Variants in LGALSL observed in about 807,000 individuals in gnomAD.
The protein encoded by LGALSL is galectin-related protein.
In LGALSL, 13 loss-of-function variants were observed where a neutral mutation model predicts 19.5. That is an observed-to-expected ratio of 0.67 (90% confidence interval 0.43 to 1.06). LGALSL has a LOEUF of 1.06. LGALSL is among the 50% of genes least tolerant of loss of function. LGALSL has a pLI of 0.00. For synonymous variants in LGALSL, 86 were observed against 78.3 expected, an observed-to-expected ratio of 1.10 and a Z score of -0.52; for missense variants, 189 against 219.3, an observed-to-expected ratio of 0.86 and a Z score of 0.87.
rs140067534 is a variant in LGALSL at position 64,458,157 on chromosome 2, A to T, written c.376-128A>T. On this transcript the variant is annotated intron_variant, in intron 4 of 4. Transcript: ENST00000238875. ...ATCTGTGTTCTAACAAGCCCTCTGC[A>T]GGTCTCAATGCATTCTGATGTTTGT... 6.1e-6 allele frequency: 5 copies of T among 813,834 alleles called. No individual in the cohort carries two copies. The East Asian group carries it at 1.2e-4, about 20-fold the overall frequency. 50.4% of individuals were successfully genotyped at this position (813,834 alleles called of 1,614,324 possible).
In LGALSL at chr2:64,459,363, G is replaced by T. The variant is rs891950360; in HGVS notation, c.*935G>T. On this transcript the variant is annotated 3_prime_UTR_variant, in exon 5 of 5. Transcript: ENST00000238875. ...TAATCAAAAACACAAAGAGGTGATT[G>T]CTTAGACAATTTTTAAAGTGACTAT... 3.3e-5 allele frequency: 5 copies of T among 152,146 alleles called. No individual in the cohort carries two copies. The highest frequency in any genetic ancestry group is 1.2e-4 in the African/African-American group (5 of 41,422). The allele number at this position is 152,146 out of a possible 1,614,324, so 9.4% of individuals were successfully genotyped here. A position where few individuals can be genotyped will look rare whatever the true frequency, so the allele number is the denominator to read the frequency against.
chr2:64,455,808 C>A, intron 3 of LGALSL, 131 bp downstream of exon 3: 2 of 696,482 alleles, frequency 2.9e-6, no homozygotes, highest in South Asian at 1.6e-5. Context: ...AAGAAAGTAC[C>A]ATGTTCCCAT....
chr2:64,454,609 G>T lies in LGALSL; in HGVS notation c.36+28G>T, dbSNP rs774878986. 7.3e-7 allele frequency: 1 copy of T among 1,371,760 alleles called. No individual in the cohort carries two copies. Among genetic ancestry groups the T allele is most frequent in the Non-Finnish European group, 9.5e-7 (1 of 1,055,454 alleles). 85.0% of individuals were successfully genotyped at this position (1,371,760 alleles called of 1,614,324 possible). A position where few individuals can be genotyped will look rare whatever the true frequency, so the allele number is the denominator to read the frequency against. ...GAGTGTGGCAGGGCGCGCGCGAGGC[G>T]CCCCTCCCCGCCGTCCCGCACTCCG... On this transcript the variant is annotated intron_variant, in intron 1 of 4. Transcript: ENST00000238875. The surrounding 1 kb of genome is among the most constrained non-coding windows in gnomAD (Gnocchi z 5.1).
At chr2:64,455,006 A>G (rs1166816284) in intron 1 of LGALSL, among the ~76,000 whole-genome samples, 2 of 151,962 alleles carry the variant, frequency 1.3e-5, no homozygotes, top group African/African-American at 2.4e-5. Flanking sequence ...TCACGTCCCG[A>G]AGGACAGGCC....
chr2:64,454,871 G>A lies in LGALSL; in HGVS notation c.36+290G>A, dbSNP rs1045385317. Among the ~76,000 whole-genome samples, 1 of 151,214 alleles carries A rather than the reference G, an allele frequency of 6.6e-6. No individual in the cohort carries two copies. Among genetic ancestry groups the A allele is most frequent in the African/African-American group, 2.4e-5 (1 of 41,124 alleles). ...CCGTGCAACCGCCAGCCAGGTGTGCGCGTGGGTGAGTGTGTCCGGGGCGCG... is the reference window on the plus strand; with the variant it reads ...CCGTGCAACCGCCAGCCAGGTGTGCACGTGGGTGAGTGTGTCCGGGGCGCG... On this transcript the variant is annotated intron_variant, in intron 1 of 4. Transcript: ENST00000238875. This position sits in a 1 kb window ranked among gnomAD's most constrained non-coding sequence, Gnocchi z 5.1.
At chr2:64,457,077 T>C (rs577728492) in intron 4 of LGALSL, among the ~76,000 whole-genome samples, 2 of 152,262 alleles carry the variant, frequency 1.3e-5, no homozygotes, top group South Asian at 4.1e-4. Flanking sequence ...ATCCAAACTT[T>C]TCATCCAATC....
chr2:64,459,397 CTT>C lies in LGALSL; in HGVS notation c.*972_*973del, dbSNP rs1156873212. On this transcript the variant is annotated 3_prime_UTR_variant, in exon 5 of 5. Transcript: ENST00000238875. ...ATTTTTAAAGTGACTATAGTATAAACTTTTAAAAGAATAATATGAAAATGACT... is the reference window on the plus strand; with the variant it reads ...ATTTTTAAAGTGACTATAGTATAAACTTAAAAGAATAATATGAAAATGACT... The C allele has an allele frequency of 3.3e-5, 5 of 152,050 alleles. No homozygotes were observed. The highest frequency in any genetic ancestry group is 4.8e-5 in the African/African-American group (2 of 41,384). The allele number at this position is 152,050 out of a possible 1,614,324, so 9.4% of individuals were successfully genotyped here. A position where few individuals can be genotyped will look rare whatever the true frequency, so the allele number is the denominator to read the frequency against.
chr2:64,460,955 G>A lies in LGALSL; in HGVS notation c.*2527G>A, dbSNP rs186885919. The A allele has an allele frequency of 6.6e-6, 1 of 152,328 alleles. No homozygotes were observed. Among genetic ancestry groups the A allele is most frequent in the East Asian group, 1.9e-4 (1 of 5,186 alleles). 9.4% of individuals were successfully genotyped at this position (152,328 alleles called of 1,614,324 possible). On this transcript the variant is annotated 3_prime_UTR_variant, in exon 5 of 5. Transcript: ENST00000238875. ...TTTAGACAATCTGTCCATTTCTACAGTAAAATTGGAGTGAGTGTGTATATC... is the reference window on the plus strand; with the variant it reads ...TTTAGACAATCTGTCCATTTCTACAATAAAATTGGAGTGAGTGTGTATATC...
Position 64,454,630 on chromosome 2 carries a change from C to T in LGALSL, c.36+49C>T, listed in dbSNP as rs1329351590. 1 of 1,276,130 alleles carries T rather than the reference C, an allele frequency of 7.8e-7. No individual in the cohort carries two copies. Among genetic ancestry groups the T allele is most frequent in the Non-Finnish European group, 1.0e-6 (1 of 995,910 alleles). The allele number at this position is 1,276,130 out of a possible 1,614,324, so 79.1% of individuals were successfully genotyped here. A position where few individuals can be genotyped will look rare whatever the true frequency, so the allele number is the denominator to read the frequency against. Reference sequence around the variant, plus strand: ...AGGCGCCCCTCCCCGCCGTCCCGCACTCCGCCGCCGCCTGCTCCAGCAGTG... The same window carrying T: ...AGGCGCCCCTCCCCGCCGTCCCGCATTCCGCCGCCGCCTGCTCCAGCAGTG... On this transcript the variant is annotated intron_variant, in intron 1 of 4. Transcript: ENST00000238875. This position sits in a 1 kb window ranked among gnomAD's most constrained non-coding sequence, Gnocchi z 5.1.
In LGALSL at chr2:64,454,613, C is replaced by A; in HGVS notation, c.36+32C>A. The A allele has an allele frequency of 7.3e-7, 1 of 1,373,748 alleles. No individual in the cohort carries two copies. Among genetic ancestry groups the A allele is most frequent in the Non-Finnish European group, 9.5e-7 (1 of 1,055,790 alleles). The allele number at this position is 1,373,748 out of a possible 1,614,324, so 85.1% of individuals were successfully genotyped here. ...GTGGCAGGGCGCGCGCGAGGCGCCC[C>A]TCCCCGCCGTCCCGCACTCCGCCGC... On this transcript the variant is annotated intron_variant, in intron 1 of 4. Coordinates refer to ENST00000238875, the MANE Select transcript of LGALSL (RefSeq NM_014181.3). This position sits in a 1 kb window ranked among gnomAD's most constrained non-coding sequence, Gnocchi z 5.1.
chr2:64,458,532 A>G lies in LGALSL; in HGVS notation c.*104A>G. On this transcript the variant is annotated 3_prime_UTR_variant, in exon 5 of 5. Coordinates refer to ENST00000238875, the MANE Select transcript of LGALSL (RefSeq NM_014181.3). The stretch of plus-strand genomic sequence containing the variant: ...ATCTGGAGACTTAAAAAGAAAACAA[A>G]AACAAATGGCAAGTTTCACTTAAGG... 1 of 1,194,230 alleles carries G rather than the reference A, an allele frequency of 8.4e-7. No individual in the cohort carries two copies. The highest frequency in any genetic ancestry group is 1.2e-6 in the Non-Finnish European group (1 of 859,864). 74.0% of individuals were successfully genotyped at this position (1,194,230 alleles called of 1,614,324 possible).
intron 3 of LGALSL, 146 bp downstream of exon 3, chr2:64,455,823 C>G: frequency 1.5e-6 from 1 of 669,430 alleles, no homozygotes; most frequent in South Asian, 1.7e-5. Flanking sequence ...TCCCATGAAA[C>G]GAATATGTAT....
At chr2:64,455,136 C>T (rs1686712242) in intron 1 of LGALSL, among the ~76,000 whole-genome samples, 1 of 152,164 alleles carries the variant, frequency 6.6e-6, no homozygotes, top group African/African-American at 2.4e-5. Flanking sequence ...GAAGGGTCTG[C>T]GGATCTTCAG....
chr2:64,456,088 C>T (rs1374609756), intron 3 of LGALSL, among the ~76,000 whole-genome samples, 200 bp from the exon 4 acceptor site: 1 of 152,120 alleles, frequency 6.6e-6, no homozygotes, highest in Non-Finnish European at 1.5e-5. Flanking sequence ...ATTTTCAACA[C>T]CAAAGTTTTC....
Position 64,454,569 on chromosome 2 carries a change from C to G in LGALSL, c.24C>G (p.Ser8Arg), listed in dbSNP as rs777718605. 1.4e-6 allele frequency: 2 copies of G among 1,452,384 alleles called. No homozygotes were observed. The highest frequency in any genetic ancestry group is 1.8e-6 in the Non-Finnish European group (2 of 1,099,670). The allele number at this position is 1,452,384 out of a possible 1,614,324, so 90.0% of individuals were successfully genotyped here. A position where few individuals can be genotyped will look rare whatever the true frequency, so the allele number is the denominator to read the frequency against. MAGSVAD[S>R]DAVVKLDDGH... is the part of the protein sequence containing the mutation. Reference sequence around the variant, plus strand: ...AGATGGCGGGATCAGTGGCCGACAGCGATGCCGTGGTGGTGAGTGTGGCAG... The same window carrying G: ...AGATGGCGGGATCAGTGGCCGACAGGGATGCCGTGGTGGTGAGTGTGGCAG... Residue 8 changes from serine (S) to arginine (R), a missense_variant, in exon 1 of 5, where the codon AGC (serine) becomes AGG (arginine). Ser to Arg is a moderately radical substitution (Grantham distance 110). Coordinates refer to ENST00000238875, the MANE Select transcript of LGALSL (RefSeq NM_014181.3). This position sits in a 1 kb window ranked among gnomAD's most constrained non-coding sequence, Gnocchi z 5.1.
intron 3 of LGALSL, 85 bp from the exon 4 acceptor site, chr2:64,456,203 G>A (rs1230445957): frequency 3.3e-6 from 4 of 1,221,046 alleles, no homozygotes; most frequent in Admixed American, 4.1e-5. Flanking sequence ...CAAACCCAGA[G>A]GAGGAAGAAG....
At chr2:64,456,053 G>A (rs749536150) in intron 3 of LGALSL, among the ~76,000 whole-genome samples, 4 of 151,724 alleles carry the variant, frequency 2.6e-5, no homozygotes, top group Non-Finnish European at 2.9e-5. Context: ...TGAGAATTCC[G>A]AAGTGGAATT....
chr2:64,454,646 T>C lies in LGALSL; in HGVS notation c.36+65T>C. The C allele has an allele frequency of 8.5e-7, 1 of 1,179,476 alleles. No homozygotes were observed. The highest frequency in any genetic ancestry group is 1.1e-6 in the Non-Finnish European group (1 of 921,002). The allele number at this position is 1,179,476 out of a possible 1,614,324, so 73.1% of individuals were successfully genotyped here. A position where few individuals can be genotyped will look rare whatever the true frequency, so the allele number is the denominator to read the frequency against. ...CGTCCCGCACTCCGCCGCCGCCTGC[T>C]CCAGCAGTGCTGGGGTGCTGAGCAG... On this transcript the variant is annotated intron_variant, in intron 1 of 4. Transcript: ENST00000238875. The surrounding 1 kb of genome is among the most constrained non-coding windows in gnomAD (Gnocchi z 5.1).
At chr2:64,455,818 TG>T (rs1315331271) in intron 3 of LGALSL, 141 bp downstream of exon 3, 1 of 681,942 alleles carries the variant, frequency 1.5e-6, no homozygotes, top group African/African-American at 1.8e-5. Context: ...CATGTTCCCA[TG>T]AAACGAATAT....
Sources: gnomAD v4.1 joint callset for allele counts (sites outside exome capture counted in the v4.1 genomes callset) on GRCh38, gnomAD v4.1.1 for gene constraint, Gnocchi (gnomAD v3.1) non-coding constraint, MANE v1.5 for transcripts, NCBI Gene and HGNC (gene_info 2026-07-23, HGNC 2026-07-21) for gene names.